The following RHPN2 variants were observed in gnomAD, a reference collection of about 807,000 sequenced individuals.
RHPN2 encodes the protein rhophilin-2.
In RHPN2, 40 loss-of-function variants were observed where a neutral mutation model predicts 79.0. The ratio of observed to expected loss-of-function variants is 0.51; its 90% CI spans 0.39 to 0.66. The LOEUF (loss-of-function observed/expected upper bound fraction) is 0.66, where lower values mean the gene tolerates loss of function less well. Ranked by LOEUF, RHPN2 falls within the 30% of genes least tolerant of loss-of-function variation. The probability of loss-of-function intolerance (pLI) is 0.00; values close to 1 mark genes in which losing one functional copy is unlikely to be tolerated. For synonymous variants in RHPN2, 285 were observed against 363.5 expected (o/e 0.78, Z 2.46); for missense variants, 686 against 883.5 (o/e 0.78, Z 2.83).
Position 32,980,050 on chromosome 19 carries a change from C to G in RHPN2, c.2007G>C (p.Lys669Asn). 6.2e-7 allele frequency: 1 copy of G among 1,613,950 alleles called. No homozygotes were observed. The highest frequency in any genetic ancestry group is 8.5e-7 in the Non-Finnish European group (1 of 1,179,848). The stretch of plus-strand genomic sequence containing the variant: ...GGCTGAAAGGGGAGGGCAGCTTCTT[C>G]TTGACCTGAGGCCGTGCAGCCCCGA... ...PSVGAARPQV[K>N]KKLPSPFSLL... Residue 669 changes from lysine (K) to asparagine (N), a missense_variant, in exon 15 of 15, where the codon AAG becomes AAC. By Grantham distance (94) the Lys-to-Asn change is moderately conservative (BLOSUM62 0). Coordinates refer to ENST00000254260, the MANE Select transcript of RHPN2 (RefSeq NM_033103.5).
chr19:32,990,784 C>A (rs1416072679), intron 13 of RHPN2, 115 bp from the exon 14 acceptor site: 2 of 1,219,568 alleles, frequency 1.6e-6, no homozygotes, highest in Non-Finnish European at 2.4e-6. Context: ...CAAAAATTCA[C>A]TTTGGGTGGC....
chr19:32,980,971 T>C (rs1971569307), intron 14 of RHPN2, among the ~76,000 whole-genome samples: 1 of 152,104 alleles, frequency 6.6e-6, no homozygotes, highest in African/African-American at 2.4e-5. Flanking sequence ...TCTGAGTAGC[T>C]GGGACTACAG....
At chr19:33,063,096 G>A (rs551383792) in intron 1 of RHPN2, among the ~76,000 whole-genome samples, 10 of 152,212 alleles carry the variant, frequency 6.6e-5, no homozygotes, top group African/African-American at 2.4e-4. Context: ...CAATTTTGTG[G>A]GAGTGGCAGT....
intron 2 of RHPN2, among the ~76,000 whole-genome samples, chr19:33,033,725 G>A (rs1189116392): frequency 8.0e-5 from 12 of 149,152 alleles, no homozygotes; most frequent in Non-Finnish European, 5.9e-5. Flanking sequence ...AAAATTAGCC[G>A]GGCATGGTGG....
chr19:33,037,976 G>C (rs999682887), intron 2 of RHPN2, among the ~76,000 whole-genome samples: 1 of 152,108 alleles, frequency 6.6e-6, no homozygotes, highest in African/African-American at 2.4e-5. Context: ...GCCTAGGCAC[G>C]AGGATTGCTT....
intron 3 of RHPN2, among the ~76,000 whole-genome samples, chr19:33,021,893 T>C (rs1315723414): frequency 6.6e-6 from 1 of 152,160 alleles, no homozygotes; most frequent in Non-Finnish European, 1.5e-5. Context: ...CCCTGGCATC[T>C]TGACACTGAT....
At chr19:33,054,379 T>C (rs766112719) in intron 1 of RHPN2, among the ~76,000 whole-genome samples, 1 of 151,832 alleles carries the variant, frequency 6.6e-6, no homozygotes, top group Non-Finnish European at 1.5e-5. Flanking sequence ...TTTGCATTTT[T>C]AGTAGGAACA....
chr19:33,047,020 G>A (rs1272131122), intron 1 of RHPN2, among the ~76,000 whole-genome samples: 1 of 152,060 alleles, frequency 6.6e-6, no homozygotes, highest in African/African-American at 2.4e-5. Context: ...ACCACGTCCG[G>A]CTAATTGTTC....
intron 11 of RHPN2, among the ~76,000 whole-genome samples, chr19:32,994,661 C>T (rs888516726): frequency 7.9e-5 from 12 of 151,900 alleles, no homozygotes; most frequent in Admixed American, 2.0e-4. Flanking sequence ...CTCTGGCACT[C>T]ATAAAACCCT....
At chr19:32,985,132 G>A (rs1396350428) in intron 14 of RHPN2, among the ~76,000 whole-genome samples, 2 of 151,896 alleles carry the variant, frequency 1.3e-5, no homozygotes, top group Admixed American at 6.6e-5. Context: ...CCAAGTAGCT[G>A]GGATTACAGG....
intron 2 of RHPN2, chr19:33,027,266 A>G (rs1054536107): frequency 5.9e-5 from 9 of 152,618 alleles, no homozygotes; most frequent in African/African-American, 1.9e-4. Context: ...AAAAAAAAAA[A>G]AAAAAGAAAT....
intron 13 of RHPN2, among the ~76,000 whole-genome samples, 163 bp downstream of exon 13, chr19:32,991,655 TAAAAC>T (rs373952370): frequency 1.1e-4 from 16 of 152,056 alleles, no homozygotes; most frequent in African/African-American, 2.2e-4. Context: ...ACTAAAAACA[TAAAAC>T]AAACAAAAGA....
At chr19:33,023,779 C>A (rs1301031385) in intron 3 of RHPN2, among the ~76,000 whole-genome samples, 1 of 119,818 alleles carries the variant, frequency 8.3e-6, no homozygotes, top group African/African-American at 3.9e-5. Flanking sequence ...AGTGAGACTC[C>A]ATCTCAAAAA....
chr19:32,986,757 G>A (rs1971615671), intron 14 of RHPN2, among the ~76,000 whole-genome samples: 1 of 145,992 alleles, frequency 6.8e-6, no homozygotes. Flanking sequence ...TCACGCCACT[G>A]CACTCCAGCC....
chr19:32,996,778 G>A (rs1249720372), intron 10 of RHPN2, among the ~76,000 whole-genome samples: 4 of 152,040 alleles, frequency 2.6e-5, no homozygotes, highest in African/African-American at 7.2e-5. Flanking sequence ...AATTTCGAGC[G>A]TTAGCCGTCT....
chr19:33,039,946 C>T (rs1221409691), intron 2 of RHPN2, among the ~76,000 whole-genome samples: 1 of 151,916 alleles, frequency 6.6e-6, no homozygotes, highest in Non-Finnish European at 1.5e-5. Flanking sequence ...TGGCCCTACC[C>T]TCCATGAGGC....
intron 1 of RHPN2, among the ~76,000 whole-genome samples, chr19:33,056,625 C>G (rs1249878769): frequency 2.0e-5 from 3 of 152,166 alleles, no homozygotes; most frequent in Non-Finnish European, 4.4e-5. Context: ...AGTTGCATTT[C>G]CACTTCTTGA....
chr19:33,027,404 A>C (rs1971977606), intron 2 of RHPN2: 1 of 152,534 alleles, frequency 6.6e-6, no homozygotes, highest in Non-Finnish European at 1.5e-5. Context: ...CCCAGGCAGG[A>C]GGATTGCTTG....
At chr19:33,020,028 C>G (rs1174859554) in intron 4 of RHPN2, among the ~76,000 whole-genome samples, 1 of 152,150 alleles carries the variant, frequency 6.6e-6, no homozygotes, top group Non-Finnish European at 1.5e-5. Context: ...GGGGCATGGT[C>G]TCTCCTGTGT....
Sources: gnomAD v4.1 joint callset for allele counts (sites outside exome capture counted in the v4.1 genomes callset) on GRCh38, gnomAD v4.1.1 for gene constraint, MANE v1.5 for transcripts, NCBI Gene and HGNC (gene_info 2026-07-23, HGNC 2026-07-21) for gene names.